The following BRWD3 variants were observed in gnomAD, a reference collection of about 807,000 sequenced individuals.
BRWD3 encodes the protein bromodomain and WD repeat-containing protein 3.
Under a neutral mutation model 149.7 loss-of-function variants are expected in BRWD3, and 10 were observed. That is an observed-to-expected ratio of 0.07 (90% CI 0.04 to 0.11). BRWD3 has a LOEUF of 0.11. BRWD3 is among the 10% of genes least tolerant of loss of function. The pLI is 1.00. For synonymous variants in BRWD3, 504 were observed against 456.7 expected (o/e 1.10, Z -1.32); for missense variants, 940 against 1,373.2 (o/e 0.68, Z 4.99).
intron 6 of BRWD3, among the ~76,000 whole-genome samples, chrX:80,786,899 T>A (rs958230289): frequency 1.8e-5 from 2 of 110,445 alleles, no homozygotes; most frequent in Admixed American, 9.7e-5. Context: ...GCACACAAAA[T>A]CAGAAAGGAA....
chrX:80,809,715 G>C lies in BRWD3; in HGVS notation c.-244C>G, dbSNP rs1427145451. On this transcript the variant is annotated 5_prime_UTR_variant, in exon 1 of 41. Transcript: ENST00000373275. ...AGAGGGAGAGGGAGAGAGAGAGTGA[G>C]TGAGTGAGAGAGAGAGAGAGAAGAG... 2.6e-5 allele frequency: 9 copies of C among 351,752 alleles called. No individual in the cohort carries two copies. Among genetic ancestry groups the C allele is most frequent in the African/African-American group, 2.0e-4 (7 of 34,411 alleles). 29.0% of individuals were successfully genotyped at this position (351,752 alleles called of 1,213,427 possible). A position where few individuals can be genotyped will look rare whatever the true frequency, so the allele number is the denominator to read the frequency against.
chrX:80,793,760 C>T lies in BRWD3; in HGVS notation c.193G>A (p.Ala65Thr). 8.3e-7 allele frequency: 1 copy of T among 1,207,421 alleles called. No individual in the cohort carries two copies. The highest frequency in any genetic ancestry group is 1.1e-6 in the Non-Finnish European group (1 of 891,686). The change falls in exon 5 of 41, where the codon GCA becomes ACA. Residue 65 changes from alanine to threonine, a missense_variant. Ala to Thr is a moderately conservative substitution (Grantham distance 58). Transcript: ENST00000373275. ...AGGAGGTAGTCTGGAGGAATGTGTG[C>T]ATTTGCTGCCACCTAAAAAAGTATA... is the stretch of plus-strand genomic sequence containing the variant. ...RSFEDLVAAN[A>T]HIPPDYLLKI...
chrX:80,684,492 T>C (rs889147379), intron 36 of BRWD3, among the ~76,000 whole-genome samples: 16 of 112,192 alleles, frequency 1.4e-4, no homozygotes, highest in African/African-American at 5.2e-4. Context: ...GCACACTGTT[T>C]AATGATAAAA....
intron 4 of BRWD3, 119 bp downstream of exon 4, chrX:80,808,420 T>G (rs1391582377): frequency 9.4e-6 from 5 of 529,403 alleles, no homozygotes; most frequent in Non-Finnish European, 1.6e-5. Flanking sequence ...AGTCGTTCTT[T>G]GGCTCTGCAC....
chrX:80,762,069 CA>C lies in BRWD3; in HGVS notation c.431-16341del, dbSNP rs753872454. Among the ~76,000 whole-genome samples, 88 of 110,957 alleles carry C rather than the reference CA, an allele frequency of 7.9e-4. 1 individual carries two copies. Among genetic ancestry groups the C allele is most frequent in the African/African-American group, 2.8e-3 (86 of 30,589 alleles). On this transcript the variant is annotated intron_variant, in intron 6 of 40. Coordinates refer to ENST00000373275, the MANE Select transcript of BRWD3 (RefSeq NM_153252.5). ...TCTCAAGATAAAAAAATGCAAGAGA[CA>C]AAAAAATACAGCTGACTTTGGCAAT...
chrX:80,794,834 C>T (rs927386255), intron 4 of BRWD3, among the ~76,000 whole-genome samples: 1 of 111,242 alleles, frequency 9.0e-6, no homozygotes, highest in Non-Finnish European at 1.9e-5. Context: ...CTCTCTATTA[C>T]TTGATTCATT....
At chrX:80,713,742 C>T (rs1278302573) in intron 20 of BRWD3, among the ~76,000 whole-genome samples, 1 of 111,711 alleles carries the variant, frequency 9.0e-6, no homozygotes, top group Non-Finnish European at 1.9e-5. Context: ...CTTCTAACAA[C>T]AGAAGGGAAA....
At chrX:80,713,017 T>G (rs1172068411) in intron 20 of BRWD3, among the ~76,000 whole-genome samples, 1 of 99,670 alleles carries the variant, frequency 1.0e-5, no homozygotes, top group African/African-American at 3.9e-5. Context: ...GGGAGGGAGG[T>G]GGGGGGGCCA....
At chrX:80,717,443 T>C (rs1046122144) in intron 19 of BRWD3, 130 bp downstream of exon 19, 2 of 617,646 alleles carry the variant, frequency 3.2e-6, no homozygotes. Flanking sequence ...TGGAATAATA[T>C]GGAAAAACTA....
At chrX:80,688,451 C>T (rs1288607450) in intron 33 of BRWD3, among the ~76,000 whole-genome samples, 3 of 111,455 alleles carry the variant, frequency 2.7e-5, no homozygotes, top group Non-Finnish European at 5.7e-5. Context: ...ATATGACATG[C>T]TTATTTAATA....
rs10711199 is a variant in BRWD3, at chrX:80,790,193, C to CAA, written c.430+1659_430+1660dup. Among the ~76,000 whole-genome samples the CAA allele has an allele frequency of 1.9e-3, 68 of 35,297 alleles. 2 individuals are homozygous for CAA. The highest frequency in any genetic ancestry group is 5.6e-3 in the African/African-American group (52 of 9,345). 30.7% of individuals were successfully genotyped at this position (35,297 alleles called of 115,157 possible). On this transcript the variant is annotated intron_variant, in intron 6 of 40. Transcript: ENST00000373275. ...AAGAGACAACAGTGAGACTCTGTCT[C>CAA]AAAAAAAAAAAAAAAAAAAAAAAAA...
chrX:80,690,669 A>G (rs1274306575), intron 31 of BRWD3, among the ~76,000 whole-genome samples: 5 of 111,088 alleles, frequency 4.5e-5, no homozygotes, highest in African/African-American at 1.6e-4. Context: ...CCTTTCCTGT[A>G]TATATTTCAG....
intron 21 of BRWD3, among the ~76,000 whole-genome samples, chrX:80,709,184 C>T (rs753767050): frequency 1.8e-5 from 2 of 110,896 alleles, no homozygotes; most frequent in Non-Finnish European, 3.8e-5. Context: ...ACTGTCTCAA[C>T]GTCAAACTCT....
chrX:80,809,672 C>G lies in BRWD3; in HGVS notation c.-201G>C. On this transcript the variant is annotated 5_prime_UTR_variant, in exon 1 of 41. Coordinates refer to ENST00000373275, the MANE Select transcript of BRWD3 (RefSeq NM_153252.5). ...TATTCTAGCCCAAGAGCTGAGGAGG[C>G]GGAGGAGGAAGGAGAGGAGAGGGAG... is the stretch of plus-strand genomic sequence containing the variant. The G allele has an allele frequency of 2.7e-6, 1 of 366,693 alleles. No homozygotes were observed. Among genetic ancestry groups the G allele is most frequent in the Non-Finnish European group, 4.7e-6 (1 of 210,681 alleles). 30.2% of individuals were successfully genotyped at this position (366,693 alleles called of 1,213,427 possible). A position where few individuals can be genotyped will look rare whatever the true frequency, so the allele number is the denominator to read the frequency against.
At chrX:80,793,851 T>C in intron 4 of BRWD3, 79 bp from the exon 5 acceptor site, 2 of 961,327 alleles carry the variant, frequency 2.1e-6, no homozygotes, top group Non-Finnish European at 2.9e-6. Flanking sequence ...TACTAAATTG[T>C]TCCATTCATT....
chrX:80,700,901 A>G (rs2072777380), intron 24 of BRWD3, among the ~76,000 whole-genome samples: 1 of 111,040 alleles, frequency 9.0e-6, no homozygotes, highest in Admixed American at 9.6e-5. Flanking sequence ...TGCAAATACT[A>G]TGCCTTTTAT....
intron 34 of BRWD3, 104 bp downstream of exon 34, chrX:80,687,965 C>CA: frequency 1.6e-6 from 1 of 625,407 alleles, no homozygotes; most frequent in Non-Finnish European, 2.7e-6. Flanking sequence ...TACTTAGTTG[C>CA]AAGAATCCTT....
rs185967249 is a variant in BRWD3 at position 80,696,160 on chromosome X, T to C, written c.3069-170A>G. On this transcript the variant is annotated intron_variant, in intron 26 of 40. Coordinates refer to ENST00000373275, the MANE Select transcript of BRWD3 (RefSeq NM_153252.5). ...TCACCTTCTCTGACCTGTTTGGGAGTGCCCTGCCTACTGCCATATTACTTT... is the reference window on the plus strand; with the variant it reads ...TCACCTTCTCTGACCTGTTTGGGAGCGCCCTGCCTACTGCCATATTACTTT... Among the ~76,000 whole-genome samples, 21 of 111,241 alleles carry C rather than the reference T, an allele frequency of 1.9e-4. No individual in the cohort carries two copies. The East Asian group carries it at 5.6e-3, about 30-fold the overall frequency.
intron 6 of BRWD3, among the ~76,000 whole-genome samples, chrX:80,772,934 G>T (rs1034203896): frequency 1.8e-5 from 2 of 111,973 alleles, no homozygotes; most frequent in Admixed American, 1.9e-4. Context: ...ACTGACACTT[G>T]CAACAAATAA....
Sources: gnomAD v4.1 joint callset for allele counts (sites outside exome capture counted in the v4.1 genomes callset) on GRCh38, gnomAD v4.1.1 for gene constraint, MANE v1.5 for transcripts, NCBI Gene and HGNC (gene_info 2026-07-23, HGNC 2026-07-21) for gene names.